The following PDE4B variants were observed in gnomAD, a reference collection of about 807,000 sequenced individuals.
The protein encoded by PDE4B is phosphodiesterase 4B.
Under a neutral mutation model 82.2 loss-of-function variants are expected in PDE4B, and 20 were observed. The ratio of observed to expected loss-of-function variants is 0.24; its 90% CI spans 0.17 to 0.35. The LOEUF is 0.35. Ranked by LOEUF, PDE4B falls within the 10% of genes least tolerant of loss-of-function variation. The pLI, the probability that PDE4B is intolerant of heterozygous loss-of-function variation, is 1.00. For missense variants in PDE4B, 655 were observed against 907.2 expected, an observed-to-expected ratio of 0.72 and a Z score of 3.57; for synonymous variants, 320 against 318.9, an observed-to-expected ratio of 1.00 and a Z score of -0.04.
intron 3 of PDE4B, among the ~76,000 whole-genome samples, chr1:66,035,693 T>C (rs1028262942): frequency 6.6e-5 from 10 of 152,194 alleles, no homozygotes; most frequent in Non-Finnish European, 1.3e-4. Flanking sequence ...AGTATTCCAT[T>C]GTGTGTGTAT....
intron 1 of PDE4B, among the ~76,000 whole-genome samples, chr1:65,859,524 A>G (rs562993623): frequency 1.3e-5 from 2 of 152,328 alleles, no homozygotes; most frequent in African/African-American, 4.8e-5. Flanking sequence ...AAATATTTTC[A>G]TTAATGATAT....
intron 3 of PDE4B, among the ~76,000 whole-genome samples, chr1:65,970,435 T>C (rs928054757): frequency 6.6e-6 from 1 of 152,112 alleles, no homozygotes; most frequent in Non-Finnish European, 1.5e-5. Context: ...TGTAATATAT[T>C]GCTGTCAAAT....
At chr1:66,009,178 G>T (rs1341193945) in intron 3 of PDE4B, among the ~76,000 whole-genome samples, 1 of 152,122 alleles carries the variant, frequency 6.6e-6, no homozygotes, top group South Asian at 2.1e-4. Context: ...ACTCAGGTCA[G>T]AAATCTTGGA....
chr1:66,187,323 G>C (rs558048348), intron 3 of PDE4B, among the ~76,000 whole-genome samples: 6 of 151,976 alleles, frequency 3.9e-5, no homozygotes, highest in African/African-American at 1.4e-4. Flanking sequence ...GCCAGTCTTT[G>C]GTATCAGGAT....
At chr1:65,885,411 C>T (rs1399185050) in intron 1 of PDE4B, among the ~76,000 whole-genome samples, 1 of 152,174 alleles carries the variant, frequency 6.6e-6, no homozygotes, top group Middle Eastern at 3.4e-3. Flanking sequence ...CACATGCACA[C>T]GTATGTTTTT....
At chr1:66,359,545 GTCT>G (rs1196225253) in intron 9 of PDE4B, among the ~76,000 whole-genome samples, 17 of 152,158 alleles carry the variant, frequency 1.1e-4, no homozygotes, top group African/African-American at 3.4e-4. Context: ...GTGAATAATG[GTCT>G]TCTTCATTAT....
chr1:66,117,296 C>T (rs947622082), intron 3 of PDE4B, among the ~76,000 whole-genome samples: 5 of 151,876 alleles, frequency 3.3e-5, no homozygotes, highest in South Asian at 2.1e-4. Flanking sequence ...TTTCTTAAAT[C>T]GAATTCATGG....
intron 3 of PDE4B, among the ~76,000 whole-genome samples, chr1:66,037,394 T>G (rs1379873352): frequency 1.3e-5 from 2 of 152,170 alleles, no homozygotes; most frequent in Admixed American, 1.3e-4. Context: ...TAGGATTGTT[T>G]TCTTATTTCT....
At chr1:65,914,170 T>A (rs1472132004) in intron 2 of PDE4B, among the ~76,000 whole-genome samples, 1 of 152,210 alleles carries the variant, frequency 6.6e-6, no homozygotes, top group Non-Finnish European at 1.5e-5. Context: ...ATTTTCCTTG[T>A]TTTCTGTAAT....
chr1:65,795,241 C>T (rs902458983), intron 1 of PDE4B, among the ~76,000 whole-genome samples: 2 of 152,158 alleles, frequency 1.3e-5, no homozygotes, highest in African/African-American at 4.8e-5. Context: ...CTAGGTTACT[C>T]CTAATATCTT....
chr1:65,957,727 A>T (rs914688627), intron 3 of PDE4B, among the ~76,000 whole-genome samples: 3 of 152,036 alleles, frequency 2.0e-5, no homozygotes, highest in African/African-American at 7.2e-5. Flanking sequence ...AATATTTATA[A>T]TTATTATTCT....
At chr1:65,893,260 T>C (rs879782878) in intron 1 of PDE4B, among the ~76,000 whole-genome samples, 9 of 152,122 alleles carry the variant, frequency 5.9e-5, no homozygotes, top group Non-Finnish European at 1.3e-4. Flanking sequence ...AATGCAAAGA[T>C]CTTTGACTTG....
At chr1:66,353,377 C>T (rs1051767387) in intron 8 of PDE4B, among the ~76,000 whole-genome samples, 1 of 152,164 alleles carries the variant, frequency 6.6e-6, no homozygotes, top group Non-Finnish European at 1.5e-5. Flanking sequence ...TTGGCTTCAC[C>T]TCCAAAAGCC....
At chr1:66,102,029 C>T (rs1376095895) in intron 3 of PDE4B, among the ~76,000 whole-genome samples, 5 of 152,192 alleles carry the variant, frequency 3.3e-5, no homozygotes, top group East Asian at 3.9e-4. Context: ...AGGAAGGGAT[C>T]CAGTTTCAGC....
chr1:66,164,406 G>A (rs1646677689), intron 3 of PDE4B, among the ~76,000 whole-genome samples: 1 of 151,486 alleles, frequency 6.6e-6, no homozygotes, highest in Non-Finnish European at 1.5e-5. Flanking sequence ...CGTGGTGGCA[G>A]GTGCCTGTAA....
chr1:66,017,260 C>T (rs949470870), intron 3 of PDE4B, among the ~76,000 whole-genome samples: 1 of 152,098 alleles, frequency 6.6e-6, no homozygotes, highest in African/African-American at 2.4e-5. Context: ...TAAATGTTTG[C>T]TGAATTTCCC....
intron 3 of PDE4B, among the ~76,000 whole-genome samples, chr1:66,069,437 C>T (rs1500960): frequency 0.84 from 127,426 of 151,944 alleles, 53,623 homozygotes; most frequent in Non-Finnish European, 0.87. Flanking sequence ...ATTATCATAA[C>T]ATTAATTTCT....
chr1:66,226,641 G>A (rs1288861052), intron 3 of PDE4B, among the ~76,000 whole-genome samples: 1 of 152,226 alleles, frequency 6.6e-6, no homozygotes, highest in African/African-American at 2.4e-5. Context: ...AGAACAGTCA[G>A]TGCAAAATAG....
In PDE4B at chr1:65,922,668, C is replaced by T. The variant is rs769566744; in HGVS notation, c.281+3833C>T. On this transcript the variant is annotated intron_variant, in intron 3 of 16. Coordinates refer to ENST00000341517, the MANE Select transcript of PDE4B (RefSeq NM_002600.4). ...GGAGGATCTGTAGAAATCCTACTCA[C>T]GTGAGAAAGTAGAGGGAAGGATTGA... Among the ~76,000 whole-genome samples, 11 of 152,058 alleles carry T rather than the reference C, an allele frequency of 7.2e-5. No homozygotes were observed. In the South Asian group the frequency reaches 1.2e-3, roughly 17 times the overall value.
Sources: allele counts gnomAD v4.1 joint callset (sites outside exome capture counted in the v4.1 genomes callset), GRCh38; gene constraint gnomAD v4.1.1; transcripts MANE v1.5; gene names NCBI Gene and HGNC (gene_info 2026-07-23, HGNC 2026-07-21).